SBDS: variants seen among roughly 807,000 people sequenced by gnomAD.
The protein encoded by SBDS is ribosome maturation protein SBDS.
In SBDS, 20 loss-of-function variants were observed where a neutral mutation model predicts 26.4. The observed-to-expected ratio is 0.76, with a 90% CI of 0.53 to 1.10. SBDS has a LOEUF of 1.10. Ranked by LOEUF, SBDS falls within the 50% of genes least tolerant of loss-of-function variation. The pLI is 0.00. For synonymous variants in SBDS, 95 were observed against 105.1 expected, an observed-to-expected ratio of 0.90 and a Z score of 0.59; for missense variants, 241 against 302.0, an observed-to-expected ratio of 0.80 and a Z score of 1.50.
intron 1 of SBDS, 97 bp from the exon 2 acceptor site, chr7:66,994,438 G>A (rs968722077): frequency 2.7e-6 from 3 of 1,106,966 alleles, no homozygotes; most frequent in East Asian, 2.4e-5. Flanking sequence ...TGAACGGCAA[G>A]ACACAACAAA....
Position 66,995,340 on chromosome 7 carries a change from G to A in SBDS, c.78C>T (p.Arg26=). Residue 26 remains arginine, a synonymous_variant, in exon 1 of 5, where the codon CGC becomes CGT. Transcript: ENST00000246868. The part of the protein sequence containing the change: ...AVVRMKRAGK[R]FEIACYKNKV... The stretch of plus-strand genomic sequence containing the variant: ...TGTTTTTGTAGCAGGCGATTTCGAA[G>A]CGCTTCCCGGCACGCTTCATCCGTA... The A allele has an allele frequency of 6.2e-7, 1 of 1,614,150 alleles. No individual in the cohort carries two copies. Among genetic ancestry groups the A allele is most frequent in the Non-Finnish European group, 8.5e-7 (1 of 1,180,016 alleles).
At chr7:66,994,643 C>T (rs546649278) in intron 1 of SBDS, among the ~76,000 whole-genome samples, 9 of 152,268 alleles carry the variant, frequency 5.9e-5, no homozygotes, top group Admixed American at 3.3e-4. Flanking sequence ...TACAGGCATG[C>T]GCCACCACAC....
intron 1 of SBDS, among the ~76,000 whole-genome samples, chr7:66,994,940 G>C (rs1014260789): frequency 1.3e-5 from 2 of 152,186 alleles, no homozygotes; most frequent in African/African-American, 4.8e-5. Context: ...TGAGATCTAT[G>C]ACACCAGATG....
In SBDS at chr7:66,993,296, G is replaced by T; in HGVS notation, c.380C>A (p.Pro127Gln). The T allele has an allele frequency of 6.2e-7, 1 of 1,614,072 alleles. No homozygotes were observed. Among genetic ancestry groups the T allele is most frequent in the Non-Finnish European group, 8.5e-7 (1 of 1,179,990 alleles). ...DKCVNPETKR[P>Q]YTVILIERAM... ...TCTCTCAATAAGGATCACGGTGTAT[G>T]GTCTCTTTGTTTCAGGATTCACACA... Residue 127 changes from proline to glutamine, a missense_variant, in exon 3 of 5, where the codon CCA (proline) becomes CAA (glutamine). By Grantham distance (76) the Pro-to-Gln change is moderately conservative. Transcript: ENST00000246868.
chr7:66,994,635 C>A (rs1188469884), intron 1 of SBDS, among the ~76,000 whole-genome samples: 4 of 152,154 alleles, frequency 2.6e-5, no homozygotes, highest in Non-Finnish European at 5.9e-5. Context: ...ACTGGGATTA[C>A]AGGCATGCGC....
intron 1 of SBDS, among the ~76,000 whole-genome samples, chr7:66,994,547 T>G (rs866129307): frequency 2.0e-5 from 3 of 149,834 alleles, no homozygotes; most frequent in African/African-American, 4.9e-5. Flanking sequence ...CAGGCTGGAG[T>G]GCAATGGCGC....
At chr7:66,993,747 A>G (rs1195590206) in intron 2 of SBDS, among the ~76,000 whole-genome samples, 1 of 151,908 alleles carries the variant, frequency 6.6e-6, no homozygotes, top group East Asian at 1.9e-4. Context: ...GGTGGTGGGC[A>G]CCTGTAATCC....
rs561515897 is a variant in SBDS at position 66,990,422 on chromosome 7, T to A, written c.624+715A>T. ...TGATTTCAACATTGGGATTGTGGCA[T>A]TTGGGATTGTCTTTTAGGATTATGA... On this transcript the variant is annotated intron_variant, in intron 4 of 4. Coordinates refer to ENST00000246868, the MANE Select transcript of SBDS (RefSeq NM_016038.4). 2.6e-5 allele frequency among the ~76,000 whole-genome samples: 4 copies of A among 152,296 alleles called. No homozygotes were observed. In the South Asian group the frequency reaches 6.2e-4, roughly 24 times the overall value.
In SBDS at chr7:66,988,195, C is replaced by T. The variant is rs1342753977; in HGVS notation, c.*176G>A. The T allele has an allele frequency of 1.5e-6, 1 of 679,670 alleles. No individual in the cohort carries two copies. Among genetic ancestry groups the T allele is most frequent in the Non-Finnish European group, 2.4e-6 (1 of 411,960 alleles). 42.1% of individuals were successfully genotyped at this position (679,670 alleles called of 1,614,324 possible). ...TTAGACCCCAGTTTATAATTAAAAC[C>T]AAATCATTCCCACATTATTATACTT... On this transcript the variant is annotated 3_prime_UTR_variant, in exon 5 of 5. Coordinates refer to ENST00000246868, the MANE Select transcript of SBDS (RefSeq NM_016038.4).
At chr7:66,993,563 G>A in intron 2 of SBDS, 146 bp from the exon 3 acceptor site, 1 of 713,750 alleles carries the variant, frequency 1.4e-6, no homozygotes, top group Non-Finnish European at 2.4e-6. Context: ...AATGGTTTGA[G>A]CTTTGCCCAA....
chr7:66,992,762 C>T (rs1793000600), intron 3 of SBDS, among the ~76,000 whole-genome samples: 1 of 151,968 alleles, frequency 6.6e-6, no homozygotes, highest in Non-Finnish European at 1.5e-5. Context: ...AATCCCAGCA[C>T]TTTGGGAGGC....
chr7:66,992,394 G>A (rs561785457), intron 3 of SBDS, among the ~76,000 whole-genome samples: 2 of 152,200 alleles, frequency 1.3e-5, no homozygotes, highest in East Asian at 1.9e-4. Flanking sequence ...GAACCAGGTA[G>A]CAGGGAAGGT....
At position 66,994,577 on chromosome 7, in the gene SBDS, C is replaced by G. The variant is rs372881802; in HGVS notation, c.129-236G>C. Among the ~76,000 whole-genome samples, 613 of 150,956 alleles carry G rather than the reference C, an allele frequency of 4.1e-3. 9 individuals are homozygous for G. The highest frequency in any genetic ancestry group is 0.011 in the African/African-American group (438 of 41,038). On this transcript the variant is annotated intron_variant, in intron 1 of 4. Coordinates refer to ENST00000246868, the MANE Select transcript of SBDS (RefSeq NM_016038.4). ...TGGCGCGATCTCGGGTCACTGTAAC[C>G]TCAGCCTCCCGGGTTCAAGTGATTC...
At chr7:66,990,685 G>C (rs1792957866) in intron 4 of SBDS, among the ~76,000 whole-genome samples, 1 of 152,132 alleles carries the variant, frequency 6.6e-6, no homozygotes, top group South Asian at 2.1e-4. Context: ...AAAAATAAAA[G>C]GATTTGTGGT....
chr7:66,988,178 C>T lies in SBDS; in HGVS notation c.*193G>A, dbSNP rs1441412253. On this transcript the variant is annotated 3_prime_UTR_variant, in exon 5 of 5. Coordinates refer to ENST00000246868, the MANE Select transcript of SBDS (RefSeq NM_016038.4). ...CAATTTTGCTTTAGGATTTAGACCCCAGTTTATAATTAAAACCAAATCATT... is the reference window on the plus strand; with the variant it reads ...CAATTTTGCTTTAGGATTTAGACCCTAGTTTATAATTAAAACCAAATCATT... 5.0e-6 allele frequency: 3 copies of T among 603,878 alleles called. No individual in the cohort carries two copies. In the Admixed American group the frequency reaches 9.3e-5, roughly 19 times the overall value. 37.4% of individuals were successfully genotyped at this position (603,878 alleles called of 1,614,324 possible).
At chr7:66,991,402 T>C (rs1198845116) in intron 3 of SBDS, 101 bp from the exon 4 acceptor site, 7 of 856,830 alleles carry the variant, frequency 8.2e-6, no homozygotes, top group African/African-American at 1.7e-5. Flanking sequence ...GGTAATGGTT[T>C]CTTAGGTATA....
chr7:66,992,023 A>G (rs938124247), intron 3 of SBDS, among the ~76,000 whole-genome samples: 23 of 152,352 alleles, frequency 1.5e-4, no homozygotes, highest in African/African-American at 5.3e-4. Context: ...GTATACAGAA[A>G]TGAAAACATA....
chr7:66,994,498 C>T, intron 1 of SBDS, 157 bp from the exon 2 acceptor site: 1 of 698,496 alleles, frequency 1.4e-6, no homozygotes, highest in South Asian at 1.5e-5. Context: ...TTCTTACCCC[C>T]CAACCCCCGC....
chr7:66,990,981 C>T (rs942669413), intron 4 of SBDS, 156 bp downstream of exon 4: 5 of 628,788 alleles, frequency 8.0e-6, no homozygotes, highest in South Asian at 2.0e-5. Context: ...AGCACCACTG[C>T]ACTCCAGCCT....
Sources: gnomAD v4.1 joint callset for allele counts (sites outside exome capture counted in the v4.1 genomes callset) on GRCh38, gnomAD v4.1.1 for gene constraint, MANE v1.5 for transcripts, NCBI Gene and HGNC (gene_info 2026-07-23, HGNC 2026-07-21) for gene names.